Variants in PPM1B observed in about 807,000 individuals in gnomAD.
PPM1B encodes protein phosphatase 1B.
Under a neutral mutation model 43.0 loss-of-function variants are expected in PPM1B, and 22 were observed. That is an observed-to-expected ratio of 0.51 (90% CI 0.37 to 0.73). The LOEUF is 0.73. Ranked by LOEUF, PPM1B falls within the 30% of genes least tolerant of loss-of-function variation. PPM1B has a pLI of 0.00. For synonymous variants in PPM1B, 217 were observed against 197.9 expected (o/e 1.10, Z -0.81); for missense variants, 632 against 584.2 (o/e 1.08, Z -0.84).
chr2:44,224,344 A>G (rs1357187727), intron 5 of PPM1B, among the ~76,000 whole-genome samples: 1 of 150,950 alleles, frequency 6.6e-6, no homozygotes, highest in Admixed American at 6.7e-5. Flanking sequence ...AGTCCCAGCT[A>G]CTCGGGAGGC....
At chr2:44,225,848 G>A (rs970011425) in intron 5 of PPM1B, among the ~76,000 whole-genome samples, 9 of 151,632 alleles carry the variant, frequency 5.9e-5, no homozygotes, top group Admixed American at 4.6e-4. Context: ...GTTGAGATGG[G>A]TTTCACCATG....
At chr2:44,171,059 C>T (rs1199697910) in intron 1 of PPM1B, among the ~76,000 whole-genome samples, 1 of 152,036 alleles carries the variant, frequency 6.6e-6, no homozygotes, top group African/African-American at 2.4e-5. Flanking sequence ...TATATTAGCA[C>T]GAGTATTTTT....
chr2:44,192,237 A>ATTGTATTGT (rs1558400516), intron 1 of PPM1B, among the ~76,000 whole-genome samples: 2 of 87,902 alleles, frequency 2.3e-5, no homozygotes, highest in Non-Finnish European at 2.3e-5. Context: ...TATTGTATTG[A>ATTGTATTGT]GATGGAGTTT....
Position 44,230,863 on chromosome 2 carries a change from C to T in PPM1B, c.*145C>T, listed in dbSNP as rs996080043. On this transcript the variant is annotated 3_prime_UTR_variant, in exon 6 of 6. Coordinates refer to ENST00000282412, the MANE Select transcript of PPM1B (RefSeq NM_002706.6). ...AGATAGCCTTGTTTTTTAAAAAGGC[C>T]TTTGCATACACCTTTATGAGATAGT... The T allele has an allele frequency of 7.1e-7, 1 of 1,414,082 alleles. No homozygotes were observed. Among genetic ancestry groups the T allele is most frequent in the Non-Finnish European group, 9.3e-7 (1 of 1,074,428 alleles). The allele number at this position is 1,414,082 out of a possible 1,614,324, so 87.6% of individuals were successfully genotyped here.
chr2:44,236,439 C>G (rs1572766252), downstream of PPM1B, among the ~76,000 whole-genome samples: 1 of 92,094 alleles, frequency 1.1e-5, no homozygotes, highest in Non-Finnish European at 2.5e-5. Context: ...TTGTAATGAA[C>G]TGGTCTTCCT....
At chr2:44,220,633 C>T (rs1233331028) in intron 5 of PPM1B, among the ~76,000 whole-genome samples, 3 of 152,214 alleles carry the variant, frequency 2.0e-5, no homozygotes, top group Non-Finnish European at 4.4e-5. Flanking sequence ...CGTGACCCCA[C>T]CTGTGTGTCT....
At chr2:44,244,968 T>C (rs1310580834), downstream of PPM1B, among the ~76,000 whole-genome samples, 1 of 151,856 alleles carries the variant, frequency 6.6e-6, no homozygotes, top group East Asian at 1.9e-4. Context: ...AGACAGAATT[T>C]TTCCTATAGC....
At chr2:44,218,980 C>T in intron 5 of PPM1B, 1 of 404,626 alleles carries the variant, frequency 2.5e-6, no homozygotes. Context: ...CTTGGAATAC[C>T]CGAGGATAGT....
At chr2:44,239,774 A>G (rs1050493151) in intron 5 of PPM1B, among the ~76,000 whole-genome samples, 20 of 151,882 alleles carry the variant, frequency 1.3e-4, no homozygotes, top group African/African-American at 4.8e-4. Flanking sequence ...AGGAATCTTT[A>G]TTTTCCATCC....
intron 5 of PPM1B, chr2:44,230,203 T>G (rs1670407609): frequency 7.1e-7 from 1 of 1,416,016 alleles, no homozygotes; most frequent in Non-Finnish European, 9.2e-7. Context: ...ATAAACTAGT[T>G]AATGGTAATT....
chr2:44,211,002 G>C (rs113481004), intron 3 of PPM1B, among the ~76,000 whole-genome samples: 8,851 of 152,130 alleles, frequency 0.058, 314 homozygotes, highest in Non-Finnish European at 0.085. Context: ...CGGGCGTGGT[G>C]GCAGGTGCCT....
At chr2:44,178,817 G>A (rs1407010465) in intron 1 of PPM1B, among the ~76,000 whole-genome samples, 1 of 152,002 alleles carries the variant, frequency 6.6e-6, no homozygotes, top group Non-Finnish European at 1.5e-5. Flanking sequence ...TAAATGTAAG[G>A]TAATTTAAAT....
intron 1 of PPM1B, among the ~76,000 whole-genome samples, chr2:44,171,570 C>T (rs1667346373): frequency 6.6e-6 from 1 of 151,544 alleles, no homozygotes; most frequent in Non-Finnish European, 1.5e-5. Context: ...TGGCTCATGC[C>T]TGTAATCTCA....
rs1669800354 is a variant in PPM1B at position 44,217,971 on chromosome 2, T to C, written c.969T>C (p.Ile323=). The C allele has an allele frequency of 1.3e-6, 2 of 1,595,242 alleles. No individual in the cohort carries two copies. The highest frequency in any genetic ancestry group is 8.5e-7 in the Non-Finnish European group (1 of 1,173,394). The part of the protein sequence containing the change: ...DKHLESRVEE[I]MEKSGEEGMP... ...CTTTTTTTAAAAAACCTACAGAGAT[T>C]ATGGAGAAGTCTGGCGAGGAAGGAA... The change falls in exon 4 of 6, where the codon ATT becomes ATC. Residue 323 remains isoleucine, a synonymous_variant. Coordinates refer to ENST00000282412, the MANE Select transcript of PPM1B (RefSeq NM_002706.6).
intron 3 of PPM1B, 142 bp downstream of exon 3, chr2:44,209,469 T>C (rs531039377): frequency 2.1e-6 from 2 of 939,980 alleles, no homozygotes; most frequent in African/African-American, 3.3e-5. Flanking sequence ...GTATTCTTTT[T>C]GTTTATCAAA....
At chr2:44,219,587 A>T (rs1460597505) in intron 5 of PPM1B, among the ~76,000 whole-genome samples, 1 of 152,184 alleles carries the variant, frequency 6.6e-6, no homozygotes, top group Non-Finnish European at 1.5e-5. Flanking sequence ...ATTATAATTT[A>T]TATCTTGGTC....
At chr2:44,205,119 A>T (rs536098699) in intron 2 of PPM1B, among the ~76,000 whole-genome samples, 73 of 152,308 alleles carry the variant, frequency 4.8e-4, no homozygotes, top group Non-Finnish European at 9.0e-4. Flanking sequence ...CTTGTAAATG[A>T]TACATACTTA....
chr2:44,181,142 A>G (rs1305039096), intron 1 of PPM1B, among the ~76,000 whole-genome samples: 1 of 152,120 alleles, frequency 6.6e-6, no homozygotes, highest in East Asian at 1.9e-4. Context: ...ACAGAGTCTC[A>G]GTATGTTGCC....
downstream of PPM1B, chr2:44,232,447 C>A: frequency 1.3e-6 from 2 of 1,567,372 alleles, no homozygotes; most frequent in Non-Finnish European, 1.7e-6. Context: ...TTGCGGATTC[C>A]CAACGTTTTG....
Sources: allele counts gnomAD v4.1 joint callset (sites outside exome capture counted in the v4.1 genomes callset), GRCh38; gene constraint gnomAD v4.1.1; transcripts MANE v1.5; gene names NCBI Gene and HGNC (gene_info 2026-07-23, HGNC 2026-07-21).